The following GRID2 variants were observed in gnomAD, a reference collection of about 807,000 sequenced individuals.
GRID2 encodes the protein glutamate receptor ionotropic, delta-2.
A neutral mutation model predicts 114.8 loss-of-function variants in GRID2; 33 were observed. The ratio of observed to expected loss-of-function variants is 0.29; its 90% CI spans 0.22 to 0.38. The LOEUF is 0.38. GRID2 is among the 10% of genes least tolerant of loss of function. The pLI is 1.00. For missense variants in GRID2, 1,184 were observed against 1,257.7 expected (o/e 0.94, Z 0.89); for synonymous variants, 505 against 449.9 (o/e 1.12, Z -1.55).
chr4:92,407,584 A>G (rs35182550), intron 1 of GRID2, among the ~76,000 whole-genome samples: 47,692 of 151,926 alleles, frequency 0.31, 7,728 homozygotes, highest in African/African-American at 0.38. Context: ...CCCCAGCCTC[A>G]CCAACATCTG....
chr4:93,595,592 T>C (rs2149627642), intron 13 of GRID2, among the ~76,000 whole-genome samples: 1 of 152,376 alleles, frequency 6.6e-6, no homozygotes, highest in Middle Eastern at 3.4e-3. Flanking sequence ...AAAATGTTTG[T>C]GTTATAATTT....
At chr4:93,119,755 G>A (rs1465430224) in intron 4 of GRID2, among the ~76,000 whole-genome samples, 1 of 152,150 alleles carries the variant, frequency 6.6e-6, no homozygotes, top group Admixed American at 6.5e-5. Context: ...TATGTATGCA[G>A]CTTCCCAAAA....
intron 2 of GRID2, among the ~76,000 whole-genome samples, chr4:92,917,280 A>G (rs1044206917): frequency 6.6e-6 from 1 of 151,974 alleles, no homozygotes; most frequent in Non-Finnish European, 1.5e-5. Flanking sequence ...AGATGAGTAG[A>G]TTGCAAAAAT....
intron 2 of GRID2, among the ~76,000 whole-genome samples, chr4:92,622,574 C>A (rs1030485780): frequency 1.3e-5 from 2 of 151,600 alleles, no homozygotes; most frequent in African/African-American, 4.8e-5. Flanking sequence ...TACACTTGTT[C>A]AAAGTGAACA....
chr4:93,253,561 A>T (rs1273685707), intron 8 of GRID2, among the ~76,000 whole-genome samples: 1 of 152,146 alleles, frequency 6.6e-6, no homozygotes, highest in African/African-American at 2.4e-5. Context: ...CCTAATCCAA[A>T]ATTAGTAACC....
chr4:92,948,880 T>G (rs184899804), intron 2 of GRID2, among the ~76,000 whole-genome samples: 50 of 152,178 alleles, frequency 3.3e-4, no homozygotes, highest in Non-Finnish European at 6.5e-4. Context: ...TATATATCAT[T>G]TGTAAAGTGA....
chr4:93,428,716 T>C (rs1011369255), intron 10 of GRID2, among the ~76,000 whole-genome samples: 1 of 152,040 alleles, frequency 6.6e-6, no homozygotes, highest in African/African-American at 2.4e-5. Flanking sequence ...AAGCATGAGG[T>C]CAAATCACTA....
At chr4:93,538,761 C>T (rs1043420261) in intron 13 of GRID2, among the ~76,000 whole-genome samples, 1 of 151,636 alleles carries the variant, frequency 6.6e-6, no homozygotes, top group African/African-American at 2.4e-5. Context: ...CAGTACTCCT[C>T]AACACTGTCA....
At chr4:93,154,791 C>A (rs557868718) in intron 4 of GRID2, among the ~76,000 whole-genome samples, 179 of 151,868 alleles carry the variant, frequency 1.2e-3, no homozygotes, top group African/African-American at 4.1e-3. Flanking sequence ...ACCACCACCA[C>A]CACCAACAAA....
chr4:92,683,925 A>AT (rs1269303721), intron 2 of GRID2, among the ~76,000 whole-genome samples: 2 of 151,938 alleles, frequency 1.3e-5, no homozygotes, highest in Admixed American at 6.6e-5. Flanking sequence ...TCACTGGAAG[A>AT]TTTTTAACAT....
intron 1 of GRID2, among the ~76,000 whole-genome samples, chr4:92,560,799 C>T (rs528095939): frequency 6.6e-6 from 1 of 152,134 alleles, no homozygotes; most frequent in Middle Eastern, 3.4e-3. Context: ...CTCCACCTCC[C>T]GGGTACAAGT....
chr4:93,235,303 G>A (rs994108466), intron 7 of GRID2, among the ~76,000 whole-genome samples: 4 of 152,054 alleles, frequency 2.6e-5, no homozygotes, highest in East Asian at 1.9e-4. Context: ...TTTAAAGGAC[G>A]TTTAGAAATT....
chr4:92,566,803 A>G (rs1727359529), intron 1 of GRID2, among the ~76,000 whole-genome samples: 1 of 152,104 alleles, frequency 6.6e-6, no homozygotes, highest in Non-Finnish European at 1.5e-5. Context: ...CACATATTAC[A>G]GAGTTTCACT....
At chr4:93,497,102 G>C (rs1414131101) in intron 12 of GRID2, among the ~76,000 whole-genome samples, 1 of 151,358 alleles carries the variant, frequency 6.6e-6, no homozygotes, top group East Asian at 2.0e-4. Flanking sequence ...TCTCATTGTG[G>C]TTTTAATTTC....
At chr4:92,575,427 G>T (rs1412820629) in intron 1 of GRID2, among the ~76,000 whole-genome samples, 1 of 152,122 alleles carries the variant, frequency 6.6e-6, no homozygotes, top group Non-Finnish European at 1.5e-5. Context: ...TTTTTGCAAT[G>T]GTTCTTTCTC....
chr4:93,425,339 C>T (rs1768737679), intron 10 of GRID2, among the ~76,000 whole-genome samples: 1 of 152,150 alleles, frequency 6.6e-6, no homozygotes, highest in Admixed American at 6.5e-5. Context: ...GGAGATTTAG[C>T]TTTAAACATT....
At chr4:92,546,278 A>T (rs72882143) in intron 1 of GRID2, among the ~76,000 whole-genome samples, 1 of 152,206 alleles carries the variant, frequency 6.6e-6, no homozygotes, top group African/African-American at 2.4e-5. Flanking sequence ...ATGCAAAAGA[A>T]AGGAAAAATA....
At chr4:93,051,236 A>T (rs1286291908) in intron 2 of GRID2, among the ~76,000 whole-genome samples, 1 of 152,076 alleles carries the variant, frequency 6.6e-6, no homozygotes, top group Non-Finnish European at 1.5e-5. Context: ...TTTATTCTAC[A>T]TTGTAAATAC....
At chr4:93,040,358 G>A (rs1200993742) in intron 2 of GRID2, among the ~76,000 whole-genome samples, 1 of 151,658 alleles carries the variant, frequency 6.6e-6, no homozygotes, top group African/African-American at 2.4e-5. Flanking sequence ...GTTTTTAATT[G>A]TGCAAACAAT....
Sources: allele counts gnomAD v4.1 joint callset (sites outside exome capture counted in the v4.1 genomes callset), GRCh38; gene constraint gnomAD v4.1.1; transcripts MANE v1.5; gene names NCBI Gene and HGNC (gene_info 2026-07-23, HGNC 2026-07-21).